Variants in APCDD1 observed in about 807,000 individuals in gnomAD.
APCDD1 encodes APC down-regulated 1, also known as protein APCDD1.
Under a neutral mutation model 38.1 loss-of-function variants are expected in APCDD1, and 15 were observed. That is an observed-to-expected ratio of 0.39 (90% CI 0.26 to 0.61). The LOEUF is 0.61. APCDD1 is among the 20% of genes least tolerant of loss of function. The pLI, the probability that APCDD1 is intolerant of heterozygous loss-of-function variation, is 0.49. For missense variants in APCDD1, 647 were observed against 696.2 expected (o/e 0.93, Z 0.79); for synonymous variants, 261 against 279.7 (o/e 0.93, Z 0.67).
intron 1 of APCDD1, among the ~76,000 whole-genome samples, chr18:10,468,025 C>T (rs9950315): frequency 0.026 from 4,002 of 152,252 alleles, 157 homozygotes; most frequent in African/African-American, 0.086. Context: ...TAAATTCACC[C>T]TTATTGATGA....
chr18:10,474,678 C>G (rs544612986), intron 3 of APCDD1, among the ~76,000 whole-genome samples: 80 of 152,268 alleles, frequency 5.3e-4, no homozygotes, highest in African/African-American at 1.8e-3. Flanking sequence ...GCCTCTCTAC[C>G]CCGTTGCACT....
intron 1 of APCDD1, among the ~76,000 whole-genome samples, chr18:10,464,845 T>C (rs2030667986): frequency 1.3e-5 from 2 of 152,220 alleles, no homozygotes; most frequent in Non-Finnish European, 2.9e-5. Flanking sequence ...CCTATGTCCT[T>C]ATACTTTGTC....
chr18:10,473,026 A>T (rs978843242), intron 3 of APCDD1, among the ~76,000 whole-genome samples: 3 of 152,032 alleles, frequency 2.0e-5, no homozygotes, highest in African/African-American at 7.2e-5. Flanking sequence ...GGCCGTCCCC[A>T]TTGACTTCGT....
chr18:10,482,967 G>T (rs1487251919), intron 3 of APCDD1, among the ~76,000 whole-genome samples: 1 of 152,202 alleles, frequency 6.6e-6, no homozygotes, highest in South Asian at 2.1e-4. Context: ...TGGCACATAG[G>T]GTGTCAGAAA....
chr18:10,462,114 T>A (rs2030558753), intron 1 of APCDD1, among the ~76,000 whole-genome samples: 3 of 152,166 alleles, frequency 2.0e-5, no homozygotes, highest in Admixed American at 2.0e-4. Context: ...CAACTGAATA[T>A]TGTGATTAAC....
rs1451886653 is a variant in APCDD1, at chr18:10,469,380, T to C, written c.242+728T>C. On this transcript the variant is annotated intron_variant, in intron 2 of 4. Transcript: ENST00000355285. The surrounding 1 kb of genome is among the most constrained non-coding windows in gnomAD (Gnocchi z 5.5). ...AGAGAAAAAAAGAAATTGTATAAGATGATGAAGACCCAGAATTTTATTTCA... is the reference window on the plus strand; with the variant it reads ...AGAGAAAAAAAGAAATTGTATAAGACGATGAAGACCCAGAATTTTATTTCA... 6.6e-6 allele frequency among the ~76,000 whole-genome samples: 1 copy of C among 152,182 alleles called. No homozygotes were observed. The highest frequency in any genetic ancestry group is 6.5e-5 in the Admixed American group (1 of 15,268).
At position 10,469,501 on chromosome 18, in the gene APCDD1, A is replaced by G. The variant is rs149198272; in HGVS notation, c.242+849A>G. Among the ~76,000 whole-genome samples the G allele has an allele frequency of 5.7e-4, 87 of 152,324 alleles. No individual in the cohort carries two copies. Among genetic ancestry groups the G allele is most frequent in the African/African-American group, 1.9e-3 (80 of 41,574 alleles). On this transcript the variant is annotated intron_variant, in intron 2 of 4. Coordinates refer to ENST00000355285, the MANE Select transcript of APCDD1 (RefSeq NM_153000.5). The surrounding 1 kb of genome is among the most constrained non-coding windows in gnomAD (Gnocchi z 5.5). ...AAAATATTTATCATTTTATTCAACA[A>G]ATATTTATTGAGTGCCTACCATATG... is the stretch of plus-strand genomic sequence containing the variant.
chr18:10,484,119 G>A (rs1052331929), intron 3 of APCDD1, among the ~76,000 whole-genome samples: 4 of 151,910 alleles, frequency 2.6e-5, no homozygotes, highest in Admixed American at 2.0e-4. Flanking sequence ...CCAGGCAAGA[G>A]AGGGTCTTCT....
intron 1 of APCDD1, among the ~76,000 whole-genome samples, chr18:10,466,505 C>T (rs988077830): frequency 6.6e-6 from 1 of 152,232 alleles, no homozygotes; most frequent in East Asian, 1.9e-4. Context: ...ATGGTCCTCA[C>T]CCCCTGGGGG....
chr18:10,462,440 TCTC>T lies in APCDD1; in HGVS notation c.59-6028_59-6026del, dbSNP rs1175261541. ...CTTCCTTCCTTTCCCCCTTGCTCCC[TCTC>T]TCCTTTCCTCCCTCCCTCCCTCCCT... On this transcript the variant is annotated intron_variant, in intron 1 of 4. Coordinates refer to ENST00000355285, the MANE Select transcript of APCDD1 (RefSeq NM_153000.5). 3.6e-3 allele frequency among the ~76,000 whole-genome samples: 217 copies of T among 60,702 alleles called. 2 individuals carry two copies. Among genetic ancestry groups the T allele is most frequent in the Middle Eastern group, 9.6e-3 (1 of 104 alleles). The allele number at this position is 60,702 out of a possible 152,430, so 39.8% of individuals were successfully genotyped here.
intron 1 of APCDD1, among the ~76,000 whole-genome samples, chr18:10,463,774 G>A (rs1397177247): frequency 6.6e-6 from 1 of 152,190 alleles, no homozygotes; most frequent in East Asian, 1.9e-4. Context: ...CTCCTTAAGA[G>A]TAATGAAGAT....
At chr18:10,477,745 G>C (rs772889909) in intron 3 of APCDD1, 1 of 152,206 alleles carries the variant, frequency 6.6e-6, no homozygotes, top group Non-Finnish European at 1.5e-5. Context: ...GAAAGGAAGA[G>C]GATGGGCCAG....
chr18:10,459,536 C>T (rs1012600089), intron 1 of APCDD1, among the ~76,000 whole-genome samples: 2 of 152,136 alleles, frequency 1.3e-5, no homozygotes, highest in Non-Finnish European at 2.9e-5. Context: ...TTATATTGCT[C>T]ATAAAGAGAG....
At chr18:10,458,947 C>T (rs538573912) in intron 1 of APCDD1, among the ~76,000 whole-genome samples, 7 of 152,134 alleles carry the variant, frequency 4.6e-5, no homozygotes, top group Non-Finnish European at 8.8e-5. Context: ...ATTGCTTAGT[C>T]CTCTCCAGTT....
chr18:10,487,863 C>T lies in APCDD1; in HGVS notation c.1370C>T (p.Thr457Met), dbSNP rs527431894. 14 of 1,613,834 alleles carry T rather than the reference C, an allele frequency of 8.7e-6. No homozygotes were observed. The East Asian group carries it at 1.1e-4, about 13-fold the overall frequency. ...CCAGACAGGCCAGAGAAGAGAGCCA[C>T]GTCCTACCAGATGCCCTTGGTCCAG... The part of the protein sequence containing the change: ...SSPDRPEKRA[T>M]SYQMPLVQCA... The change falls in exon 5 of 5, where the codon ACG becomes ATG. Residue 457 changes from threonine to methionine, a missense_variant. Coordinates refer to ENST00000355285, the MANE Select transcript of APCDD1 (RefSeq NM_153000.5).
In APCDD1 at chr18:10,488,911, A is replaced by G. The variant is rs1349974330; in HGVS notation, c.*873A>G. 6.6e-6 allele frequency: 1 copy of G among 152,250 alleles called. No individual in the cohort carries two copies. The highest frequency in any genetic ancestry group is 2.4e-5 in the African/African-American group (1 of 41,466). 9.4% of individuals were successfully genotyped at this position (152,250 alleles called of 1,614,324 possible). A position where few individuals can be genotyped will look rare whatever the true frequency, so the allele number is the denominator to read the frequency against. On this transcript the variant is annotated 3_prime_UTR_variant, in exon 5 of 5. Transcript: ENST00000355285. ...GATAGAGAAAGTGCCCGTTCATTGC[A>G]GTTTCCTCTTCCTGGGGGACCTGAG...
rs2031233755 is a variant in APCDD1 at position 10,485,643 on chromosome 18, A to G, written c.956A>G (p.Asn319Ser). 1 of 1,613,976 alleles carries G rather than the reference A, an allele frequency of 6.2e-7. No homozygotes were observed. Among genetic ancestry groups the G allele is most frequent in the Non-Finnish European group, 8.5e-7 (1 of 1,180,002 alleles). ...LTRHFIFHDN[N>S]NTWEGHYYHY... ...CGCCACTTCATCTTCCATGACAACA[A>G]CAACACCTGGGAGGGCCACTACTAC... The change falls in exon 4 of 5, where the codon AAC (asparagine) becomes AGC (serine). Residue 319 changes from asparagine (N) to serine (S), a missense_variant. By Grantham distance (46) the Asn-to-Ser change is conservative. Coordinates refer to ENST00000355285, the MANE Select transcript of APCDD1 (RefSeq NM_153000.5). This position sits in a 1 kb window ranked among gnomAD's most constrained non-coding sequence, Gnocchi z 5.8.
intron 3 of APCDD1, among the ~76,000 whole-genome samples, chr18:10,479,037 C>A (rs771463623): frequency 7.9e-5 from 12 of 152,152 alleles, no homozygotes; most frequent in Non-Finnish European, 1.6e-4. Context: ...TCCTGGATGT[C>A]ATGGGAAATA....
At position 10,455,460 on chromosome 18, in the gene APCDD1, T is replaced by A. The variant is rs1473298061; in HGVS notation, c.58+421T>A. ...AGAATGCAGCAGGCTCTTGATGTGT[T>A]CCAAGCGTTTAGGAGAGTGGAAAGA... On this transcript the variant is annotated intron_variant, in intron 1 of 4. Coordinates refer to ENST00000355285, the MANE Select transcript of APCDD1 (RefSeq NM_153000.5). Among the ~76,000 whole-genome samples, 3 of 152,312 alleles carry A rather than the reference T, an allele frequency of 2.0e-5. No homozygotes were observed. The East Asian group carries it at 5.8e-4, about 29-fold the overall frequency.
Sources: gnomAD v4.1 joint callset for allele counts (sites outside exome capture counted in the v4.1 genomes callset) on GRCh38, gnomAD v4.1.1 for gene constraint, Gnocchi (gnomAD v3.1) non-coding constraint, MANE v1.5 for transcripts, NCBI Gene and HGNC (gene_info 2026-07-23, HGNC 2026-07-21) for gene names.